The following OXTR variants were observed in gnomAD, a reference collection of about 807,000 sequenced individuals.
OXTR encodes oxytocin receptor.
In OXTR, 19 loss-of-function variants were observed where a neutral mutation model predicts 23.9. That is an observed-to-expected ratio of 0.80 (90% CI 0.56 to 1.17). OXTR has a LOEUF of 1.17. Ranked by LOEUF, OXTR falls within the 50% of genes most tolerant of loss-of-function variation. The pLI is 0.00. For synonymous variants in OXTR, 278 were observed against 250.5 expected (o/e 1.11, Z -1.04); for missense variants, 500 against 550.7 (o/e 0.91, Z 0.92).
chr3:8,767,307 A>C lies in OXTR; in HGVS notation c.881T>G (p.Val294Gly). The change falls in exon 3 of 4, where the codon GTG becomes GGG. Residue 294 changes from valine (V) to glycine (G), a missense_variant. Coordinates refer to ENST00000316793, the MANE Select transcript of OXTR (RefSeq NM_000916.4). ...GGCATCCCAGACGCTCCACATCTGC[A>C]CGAAGAAGAAAGGCGTCCAGCACAC... Reference protein sequence around the residue: ...FIVCWTPFFFVQMWSVWDANA... With the variant: ...FIVCWTPFFFGQMWSVWDANA... The C allele has an allele frequency of 1.3e-6, 2 of 1,593,520 alleles. No homozygotes were observed. Among genetic ancestry groups the C allele is most frequent in the Non-Finnish European group, 1.7e-6 (2 of 1,171,432 alleles).
At chr3:8,760,671 G>C (rs1047021227) in intron 3 of OXTR, among the ~76,000 whole-genome samples, 9 of 152,250 alleles carry the variant, frequency 5.9e-5, no homozygotes, top group Admixed American at 1.3e-4. Context: ...ATCCCCTGGA[G>C]TTGTGCCACA....
At chr3:8,741,281 C>T in the OXTR span, among the ~76,000 whole-genome samples, 2 of 152,224 alleles carry the variant, frequency 1.3e-5, no homozygotes, top group Non-Finnish European at 2.9e-5. Flanking sequence ...CAGTTACAAG[C>T]ACCAATGTTT....
chr3:8,762,047 G>C (rs575708274), intron 3 of OXTR, among the ~76,000 whole-genome samples: 1 of 152,168 alleles, frequency 6.6e-6, no homozygotes, highest in Non-Finnish European at 1.5e-5. Flanking sequence ...AAGTTGCCAG[G>C]GCAAGGTGGT....
the OXTR span, among the ~76,000 whole-genome samples, chr3:8,741,788 A>C: frequency 6.6e-6 from 1 of 151,934 alleles, no homozygotes; most frequent in Non-Finnish European, 1.5e-5. Context: ...CCTCCCCCGC[A>C]TCCTCAAGCA....
chr3:8,753,801 C>A (rs1198779094), intron 3 of OXTR, among the ~76,000 whole-genome samples: 1 of 129,678 alleles, frequency 7.7e-6, no homozygotes, highest in Non-Finnish European at 1.7e-5. Context: ...CTATCACGAC[C>A]ATGTGCCGGG....
rs202176722 is a variant in OXTR at position 8,752,241 on chromosome 3, G to T, written c.*736C>A. Reference sequence around the variant, plus strand: ...CTTATTAGTTCTAATAGCTGTGTGCGTGTGTGTGTGTGTGTGTGTGTGTGA... The same window carrying T: ...CTTATTAGTTCTAATAGCTGTGTGCTTGTGTGTGTGTGTGTGTGTGTGTGA... On this transcript the variant is annotated 3_prime_UTR_variant, in exon 4 of 4. Transcript: ENST00000316793. The T allele has an allele frequency of 1.3e-5, 1 of 74,358 alleles. No homozygotes were observed. The highest frequency in any genetic ancestry group is 6.2e-5 in the African/African-American group (1 of 16,242). The allele number at this position is 74,358 out of a possible 1,614,324, so 4.6% of individuals were successfully genotyped here. A position where few individuals can be genotyped will look rare whatever the true frequency, so the allele number is the denominator to read the frequency against.
At chr3:8,766,829 G>A (rs237899) in intron 3 of OXTR, among the ~76,000 whole-genome samples, 52,998 of 151,862 alleles carry the variant, frequency 0.35, 9,333 homozygotes, top group Middle Eastern at 0.42. Context: ...TCATCTTAAC[G>A]TGAACTTAAA....
intron 3 of OXTR, 146 bp downstream of exon 3, chr3:8,767,120 G>C (rs1708623918): frequency 1.4e-6 from 1 of 725,456 alleles, no homozygotes; most frequent in Admixed American, 3.6e-5. Context: ...ACTTGGTCAA[G>C]GGATGACAGA....
chr3:8,752,980 C>G lies in OXTR; in HGVS notation c.1167G>C (p.Ala389=). 6.2e-7 allele frequency: 1 copy of G among 1,610,478 alleles called. No homozygotes were observed. The highest frequency in any genetic ancestry group is 1.1e-5 in the South Asian group (1 of 90,758). ...AGCCCTGGCCCTGGCTGGTGGGTCACGCCGTGGATGGCTGGGAGCAGCTCC... is the reference window on the plus strand; with the variant it reads ...AGCCCTGGCCCTGGCTGGTGGGTCAGGCCGTGGATGGCTGGGAGCAGCTCC... ...SQRSCSQPST[A] The change falls in exon 4 of 4, where the codon GCG becomes GCC. Residue 389 remains alanine (A), a synonymous_variant. Transcript: ENST00000316793.
intron 3 of OXTR, among the ~76,000 whole-genome samples, chr3:8,755,356 G>C (rs237887): frequency 6.6e-6 from 1 of 152,086 alleles, no homozygotes; most frequent in African/African-American, 2.4e-5. Context: ...AATGAGGTAG[G>C]AGGAAGCATC....
chr3:8,757,426 A>C (rs1305974864), intron 3 of OXTR, among the ~76,000 whole-genome samples: 2 of 151,396 alleles, frequency 1.3e-5, no homozygotes, highest in East Asian at 3.8e-4. Flanking sequence ...AACACTTCTC[A>C]AAAGTTAAAA....
rs768108062 is a variant in OXTR at position 8,767,265 on chromosome 3, C to A, written c.922+1G>T. On this transcript the variant is annotated splice_donor_variant, in intron 3 of 3. Coordinates refer to ENST00000316793, the MANE Select transcript of OXTR (RefSeq NM_000916.4). LOFTEE classifies it high-confidence loss of function. ...CTCCTGGGTCTCCCAGCCCTGGCTA[C>A]CTTCCTTGGGCGCGTTGGCATCCCA... 6.5e-7 allele frequency: 1 copy of A among 1,535,230 alleles called. No individual in the cohort carries two copies. The highest frequency in any genetic ancestry group is 1.3e-5 in the South Asian group (1 of 77,984).
chr3:8,767,139 T>G, intron 3 of OXTR, 127 bp downstream of exon 3: 1 of 872,440 alleles, frequency 1.1e-6, no homozygotes, highest in African/African-American at 1.8e-5. Flanking sequence ...GAGCAGTGAC[T>G]CTGTGGGATT....
intron 3 of OXTR, among the ~76,000 whole-genome samples, chr3:8,759,168 A>G (rs570897005): frequency 1.3e-5 from 2 of 152,306 alleles, no homozygotes; most frequent in South Asian, 4.1e-4. Context: ...GTAACTGTCC[A>G]CCGTTCTTGA....
chr3:8,766,256 G>C (rs912248420), intron 3 of OXTR, among the ~76,000 whole-genome samples: 4 of 152,176 alleles, frequency 2.6e-5, no homozygotes, highest in Admixed American at 2.0e-4. Context: ...GGGGCAGGGA[G>C]TGACAGGAAG....
Position 8,767,503 on chromosome 3 carries a change from G to C in OXTR, c.685C>G (p.Gln229Glu). 1.2e-6 allele frequency: 2 copies of C among 1,611,812 alleles called. No homozygotes were observed. The highest frequency in any genetic ancestry group is 1.7e-6 in the Non-Finnish European group (2 of 1,179,138). The change falls in exon 3 of 4, where the codon CAG becomes GAG. Residue 229 changes from glutamine (Q) to glutamate (E), a missense_variant. Physicochemically the swap from Gln to Glu is conservative, Grantham distance 29. Transcript: ENST00000316793. Reference sequence around the variant, plus strand: ...GCAGCGGTCTTGAGCCGCAAGTTCTGCCAGATCTTGAAGCTGATAAGGCCG... The same window carrying C: ...GCAGCGGTCTTGAGCCGCAAGTTCTCCCAGATCTTGAAGCTGATAAGGCCG... ...CYGLISFKIW[Q>E]NLRLKTAAAA...
In OXTR at chr3:8,767,360, C is replaced by A. The variant is rs1254552364; in HGVS notation, c.828G>T (p.Met276Ile). 4.3e-6 allele frequency: 7 copies of A among 1,612,784 alleles called. No homozygotes were observed. The South Asian group carries it at 6.6e-5, about 15-fold the overall frequency. Residue 276 changes from methionine to isoleucine, a missense_variant, in exon 3 of 4, where the codon ATG becomes ATT. Met to Ile is a conservative substitution (Grantham distance 10, BLOSUM62 1). Coordinates refer to ENST00000316793, the MANE Select transcript of OXTR (RefSeq NM_000916.4). Reference protein sequence around the residue: ...ISKAKIRTVKMTFIIVLAFIV... With the variant: ...ISKAKIRTVKITFIIVLAFIV... ...TGAAGGCCAGCACGATGATGAAAGT[C>A]ATCTTGACCGTGCGGATCTTGGCCT... is the stretch of plus-strand genomic sequence containing the variant.
At chr3:8,757,742 C>A (rs75975944) in intron 3 of OXTR, among the ~76,000 whole-genome samples, 6,582 of 152,242 alleles carry the variant, frequency 0.043, 211 homozygotes, top group Non-Finnish European at 0.068. Context: ...AGGGAGGATG[C>A]AGAGGAGAGG....
chr3:8,756,152 G>T (rs1285809122), intron 3 of OXTR, among the ~76,000 whole-genome samples: 1 of 152,138 alleles, frequency 6.6e-6, no homozygotes, highest in South Asian at 2.1e-4. Context: ...TCCCCTTTCT[G>T]ATGGCTAGAA....
Sources: gnomAD v4.1 joint callset for allele counts (sites outside exome capture counted in the v4.1 genomes callset) on GRCh38, gnomAD v4.1.1 for gene constraint, MANE v1.5 for transcripts, NCBI Gene and HGNC (gene_info 2026-07-23, HGNC 2026-07-21) for gene names.